TRIO: variants seen among roughly 807,000 people sequenced by gnomAD.
TRIO encodes the protein triple functional domain protein.
A neutral mutation model predicts 351.9 loss-of-function variants in TRIO; 58 were observed. The ratio of observed to expected loss-of-function variants is 0.16; its 90% confidence interval spans 0.13 to 0.21. TRIO has a LOEUF of 0.21. Among genes scored for constraint, TRIO ranks in the 10% least tolerant of loss-of-function variants. The pLI, the probability that TRIO is intolerant of heterozygous loss-of-function variation, is 1.00. For synonymous variants in TRIO, 1,758 were observed against 1,595.7 expected, an observed-to-expected ratio of 1.10 and a Z score of -2.42; for missense variants, 3,201 against 4,027.8, an observed-to-expected ratio of 0.79 and a Z score of 5.56.
At chr5:14,301,397 T>C (rs1190066093) in intron 7 of TRIO, among the ~76,000 whole-genome samples, 1 of 152,104 alleles carries the variant, frequency 6.6e-6, no homozygotes, top group African/African-American at 2.4e-5. Context: ...CCCCAGATGC[T>C]TTGTGTTCAC....
In TRIO at chr5:14,313,865, T is replaced by G. The variant is rs545078702; in HGVS notation, c.1501-2648T>G. On this transcript the variant is annotated intron_variant, in intron 8 of 56. Coordinates refer to ENST00000344204, the MANE Select transcript of TRIO (RefSeq NM_007118.4). ...ATTCCCATTCAACATTTTTTACTTTTGTATATTGGCCACTCATATATGTAA... is the reference window on the plus strand; with the variant it reads ...ATTCCCATTCAACATTTTTTACTTTGGTATATTGGCCACTCATATATGTAA... 2.0e-5 allele frequency among the ~76,000 whole-genome samples: 3 copies of G among 152,306 alleles called. No homozygotes were observed. In the South Asian group the frequency reaches 6.2e-4, roughly 32 times the overall value.
intron 9 of TRIO, among the ~76,000 whole-genome samples, chr5:14,320,349 G>A (rs183099568): frequency 1.7e-3 from 259 of 152,270 alleles, no homozygotes; most frequent in Middle Eastern, 3.4e-3. Context: ...TGCCTCAACT[G>A]TTCGGCTGGC....
chr5:14,237,383 A>G (rs1281881739), intron 1 of TRIO, among the ~76,000 whole-genome samples: 1 of 152,212 alleles, frequency 6.6e-6, no homozygotes, highest in Non-Finnish European at 1.5e-5. Context: ...CAGTACAGTG[A>G]TGAAGAAATA....
chr5:14,177,219 A>C (rs1789460759), intron 1 of TRIO, among the ~76,000 whole-genome samples: 1 of 152,188 alleles, frequency 6.6e-6, no homozygotes, highest in African/African-American at 2.4e-5. Context: ...TATATACGTG[A>C]GAAAACTCTT....
At chr5:14,374,657 GA>G (rs1456989186) in intron 19 of TRIO, among the ~76,000 whole-genome samples, 5 of 152,010 alleles carry the variant, frequency 3.3e-5, no homozygotes, top group Non-Finnish European at 5.9e-5. Context: ...TAAATAGGGG[GA>G]AAGGGAAAAC....
chr5:14,222,279 T>G (rs949954198), intron 1 of TRIO, among the ~76,000 whole-genome samples: 1 of 152,162 alleles, frequency 6.6e-6, no homozygotes, highest in Admixed American at 6.5e-5. Context: ...ATAATTTTTA[T>G]ATGCACTAGG....
At chr5:14,169,012 C>G (rs1036518370) in intron 1 of TRIO, among the ~76,000 whole-genome samples, 1 of 152,196 alleles carries the variant, frequency 6.6e-6, no homozygotes, top group Non-Finnish European at 1.5e-5. Flanking sequence ...GGAGCCTCTA[C>G]TTAGGGGATT....
At chr5:14,314,454 G>A (rs1445119476) in intron 8 of TRIO, among the ~76,000 whole-genome samples, 6 of 152,174 alleles carry the variant, frequency 3.9e-5, no homozygotes, top group South Asian at 4.1e-4. Context: ...TTGGTGATGC[G>A]AGTATTGAGA....
intron 11 of TRIO, among the ~76,000 whole-genome samples, chr5:14,354,333 C>G (rs1743416987): frequency 6.6e-6 from 1 of 152,192 alleles, no homozygotes; most frequent in Non-Finnish European, 1.5e-5. Flanking sequence ...GTTTTCTCAA[C>G]AGATTTAAAA....
At chr5:14,235,675 A>G (rs1793720066) in intron 1 of TRIO, among the ~76,000 whole-genome samples, 1 of 152,128 alleles carries the variant, frequency 6.6e-6, no homozygotes, top group African/African-American at 2.4e-5. Context: ...ACTACGCTAG[A>G]CAGATGAGAT....
intron 43 of TRIO, 66 bp downstream of exon 43, chr5:14,480,077 G>A: frequency 6.9e-7 from 1 of 1,450,204 alleles, no homozygotes; most frequent in Non-Finnish European, 9.6e-7. Flanking sequence ...AGACTCAGTT[G>A]GGGAAAGAAG....
intron 1 of TRIO, among the ~76,000 whole-genome samples, chr5:14,201,457 A>G (rs1296886393): frequency 6.6e-6 from 1 of 152,178 alleles, no homozygotes; most frequent in East Asian, 1.9e-4. Context: ...TTACAGATAA[A>G]TACATAGCAT....
chr5:14,405,807 G>T (rs755111856), intron 31 of TRIO, 41 bp from the exon 32 acceptor site: 1 of 1,591,140 alleles, frequency 6.3e-7, no homozygotes, highest in Non-Finnish European at 8.6e-7. Context: ...GGTCTGGAAA[G>T]GGCCGTTCCG....
At chr5:14,313,908 G>A (rs1739148351) in intron 8 of TRIO, among the ~76,000 whole-genome samples, 2 of 152,162 alleles carry the variant, frequency 1.3e-5, no homozygotes, top group Non-Finnish European at 2.9e-5. Context: ...TGGGAAATGT[G>A]GCATTACAGC....
chr5:14,209,918 A>G (rs1005189125), intron 1 of TRIO, among the ~76,000 whole-genome samples: 1 of 152,218 alleles, frequency 6.6e-6, no homozygotes, highest in Non-Finnish European at 1.5e-5. Flanking sequence ...GCAGCCCCCC[A>G]GAATGGGGTC....
intron 34 of TRIO, among the ~76,000 whole-genome samples, chr5:14,440,320 T>C (rs1357293826): frequency 2.0e-5 from 3 of 152,198 alleles, no homozygotes; most frequent in Non-Finnish European, 1.5e-5. Flanking sequence ...CATCCAGGTC[T>C]AGTGTGGAGG....
chr5:14,252,378 C>T (rs1239169044), intron 1 of TRIO, among the ~76,000 whole-genome samples: 4 of 152,202 alleles, frequency 2.6e-5, no homozygotes, highest in African/African-American at 4.8e-5. Flanking sequence ...TTCAGGGTAG[C>T]TGCTCAACCA....
chr5:14,285,726 C>T (rs1736386748), intron 3 of TRIO, among the ~76,000 whole-genome samples: 1 of 152,124 alleles, frequency 6.6e-6, no homozygotes, highest in Non-Finnish European at 1.5e-5. Context: ...GTCTTTTCTA[C>T]CCTAAGGTAC....
intron 32 of TRIO, 144 bp downstream of exon 32, chr5:14,406,134 CT>C: frequency 8.3e-7 from 1 of 1,208,168 alleles, no homozygotes; most frequent in African/African-American, 1.5e-5. Flanking sequence ...TAACATCATT[CT>C]TAGTAATGAA....
Sources: gnomAD v4.1 joint callset for allele counts (sites outside exome capture counted in the v4.1 genomes callset) on GRCh38, gnomAD v4.1.1 for gene constraint, MANE v1.5 for transcripts, NCBI Gene and HGNC (gene_info 2026-07-23, HGNC 2026-07-21) for gene names.